Variants in COL12A1 observed in about 807,000 individuals in gnomAD.
COL12A1 encodes collagen alpha-1(XII) chain.
A neutral mutation model predicts 349.7 loss-of-function variants in COL12A1; 114 were observed. That is an observed-to-expected ratio of 0.33 (90% confidence interval 0.28 to 0.38). The LOEUF is 0.38. COL12A1 is among the 10% of genes least tolerant of loss of function. The pLI, the probability that COL12A1 is intolerant of heterozygous loss-of-function variation, is 1.00. For missense variants in COL12A1, 3,284 were observed against 3,756.9 expected, an observed-to-expected ratio of 0.87 and a Z score of 3.29; for synonymous variants, 1,369 against 1,329.0, an observed-to-expected ratio of 1.03 and a Z score of -0.66.
chr6:75,188,124 C>T (rs1258184924), intron 8 of COL12A1, among the ~76,000 whole-genome samples: 1 of 151,934 alleles, frequency 6.6e-6, no homozygotes, highest in African/African-American at 2.4e-5. Flanking sequence ...AACTTGTCCC[C>T]CACCAAAAAA....
At position 75,175,117 on chromosome 6, in the gene COL12A1, T is replaced by C. The variant is rs2149451941; in HGVS notation, c.2631A>G (p.Thr877=). 1 of 1,614,182 alleles carries C rather than the reference T, an allele frequency of 6.2e-7. No individual in the cohort carries two copies. The part of the protein sequence containing the change: ...NTVLQGLKEG[T]QYALSVTALY... ...AGGCTGTCACAGATAAGGCGTATTG[T>C]GTCCCTTCCTTCAATCCCTGCAGCA... is the stretch of plus-strand genomic sequence containing the variant. Residue 877 remains threonine (T), a synonymous_variant, in exon 13 of 66, where the codon ACA becomes ACG. Transcript: ENST00000322507.
chr6:75,192,252 A>T lies in COL12A1; in HGVS notation c.294T>A (p.Asp98Glu). The T allele has an allele frequency of 1.2e-6, 2 of 1,608,798 alleles. No individual in the cohort carries two copies. ...TEYVVTITSY[D>E]EVEESVPVIG... ...TAACTGGTACACTTTCTTCTACTTCATCATATGAAGTTATTGTCACCACAT... is the reference window on the plus strand; with the variant it reads ...TAACTGGTACACTTTCTTCTACTTCTTCATATGAAGTTATTGTCACCACAT... The change falls in exon 4 of 66, where the codon GAT (aspartate) becomes GAA (glutamate). Residue 98 changes from aspartate (D) to glutamate (E), a missense_variant. By Grantham distance (45) the Asp-to-Glu change is conservative. This residue lies in a region of COL12A1 where 2,601 missense variants were observed against 2,824.8 expected (regional missense o/e 0.92). Coordinates refer to ENST00000322507, the MANE Select transcript of COL12A1 (RefSeq NM_004370.6).
At chr6:75,148,626 T>C in intron 21 of COL12A1, 129 bp from the exon 22 acceptor site, 1 of 745,516 alleles carries the variant, frequency 1.3e-6, no homozygotes, top group East Asian at 2.8e-5. Flanking sequence ...ACATACTAAG[T>C]AGCTACAATA....
intron 5 of COL12A1, among the ~76,000 whole-genome samples, chr6:75,191,015 G>T (rs1413156008): frequency 6.6e-6 from 1 of 151,708 alleles, no homozygotes; most frequent in Non-Finnish European, 1.5e-5. Flanking sequence ...TTTACGAGAT[G>T]ACAAAATTAG....
Position 75,181,167 on chromosome 6 carries a change from A to G in COL12A1, c.1936T>C (p.Tyr646His), listed in dbSNP as rs751496600. 1.2e-6 allele frequency: 2 copies of G among 1,613,896 alleles called. No homozygotes were observed. The highest frequency in any genetic ancestry group is 1.3e-5 in the African/African-American group (1 of 74,878). The change falls in exon 11 of 66, where the codon TAT becomes CAT. Residue 646 changes from tyrosine (Y) to histidine (H), a missense_variant. Coordinates refer to ENST00000322507, the MANE Select transcript of COL12A1 (RefSeq NM_004370.6). Reference sequence around the variant, plus strand: ...GGAGACCAGTTGGTTTTGAAACCATAAGAAGTCACTTCTGAAAAACTAAGA... The same window carrying G: ...GGAGACCAGTTGGTTTTGAAACCATGAGAAGTCACTTCTGAAAAACTAAGA... ...KDLSFSEVTS[Y>H]GFKTNWSPAG...
In COL12A1 at chr6:75,148,480, A is replaced by G. The variant is rs1451137664; in HGVS notation, c.4165T>C (p.Ser1389Pro). 3 of 1,613,198 alleles carry G rather than the reference A, an allele frequency of 1.9e-6. No individual in the cohort carries two copies. The African/African-American group carries it at 4.0e-5, about 22-fold the overall frequency. ...VKGPGDLEAP[S>P]NLVISERTHR... is the part of the protein sequence containing the mutation. ...GTTCGCTCAGAAATAACTAAGTTAG[A>G]AGGTGCTTCCAAATCACCTACACAT... Residue 1389 changes from serine (S) to proline (P), a missense_variant, in exon 22 of 66, where the codon TCT (serine) becomes CCT (proline). This residue lies in a region of COL12A1 where 2,601 missense variants were observed against 2,824.8 expected (regional missense o/e 0.92). Transcript: ENST00000322507.
intron 31 of COL12A1, 78 bp from the exon 32 acceptor site, chr6:75,134,933 C>T: frequency 6.8e-7 from 1 of 1,463,364 alleles, no homozygotes; most frequent in Non-Finnish European, 9.2e-7. Flanking sequence ...GCTCTTTCTA[C>T]AGGGAAGCTG....
Position 75,151,141 on chromosome 6 carries a change from C to G in COL12A1, c.4147G>C (p.Gly1383Arg). Reference protein sequence around the residue: ...INLCNSVKGPGDLEAPSNLVI... With the variant: ...INLCNSVKGPRDLEAPSNLVI... Reference sequence around the variant, plus strand: ...GAGAGAAACTCTGGGTTAAACTTACCTGGACCTTTGACACTGTTACACAAA... The same window carrying G: ...GAGAGAAACTCTGGGTTAAACTTACGTGGACCTTTGACACTGTTACACAAA... The change falls in exon 21 of 66, where the codon GGT (glycine) becomes CGT (arginine). Residue 1383 changes from glycine to arginine, a missense_variant and splice_region_variant. Gly to Arg is a moderately radical substitution (Grantham distance 125). Around this residue, in one of 2 missense-constraint regions of COL12A1, gnomAD observed 2,601 missense variants for 2,824.8 expected, o/e 0.92. Coordinates refer to ENST00000322507, the MANE Select transcript of COL12A1 (RefSeq NM_004370.6). 6.8e-7 allele frequency: 1 copy of G among 1,480,096 alleles called. No homozygotes were observed. 91.7% of individuals were successfully genotyped at this position (1,480,096 alleles called of 1,614,324 possible).
intron 49 of COL12A1, among the ~76,000 whole-genome samples, chr6:75,114,867 T>G (rs1768999912): frequency 6.6e-6 from 1 of 152,096 alleles, no homozygotes; most frequent in East Asian, 1.9e-4. Flanking sequence ...CAGCCAAAAG[T>G]TCTGATGCTT....
chr6:75,139,804 T>C (rs1255472330), intron 27 of COL12A1, among the ~76,000 whole-genome samples: 1 of 152,182 alleles, frequency 6.6e-6, no homozygotes, highest in Non-Finnish European at 1.5e-5. Flanking sequence ...GAAATCCCCT[T>C]TCACAACCCC....
In COL12A1 at chr6:75,180,947, G is replaced by A. The variant is rs1256494706; in HGVS notation, c.2156C>T (p.Thr719Ile). 1 of 1,609,508 alleles carries A rather than the reference G, an allele frequency of 6.2e-7. No homozygotes were observed. Among genetic ancestry groups the A allele is most frequent in the Non-Finnish European group, 8.5e-7 (1 of 1,176,854 alleles). ...CAGAAACCCCATCACACCTTCTTCGGTGGTCTCCTCTCCAGCTAAGGGAAT... is the reference window on the plus strand; with the variant it reads ...CAGAAACCCCATCACACCTTCTTCGATGGTCTCCTCTCCAGCTAAGGGAAT... ...FSIPLAGEETTEEVKGAPRNL... is the reference protein window; with the variant it reads ...FSIPLAGEETIEEVKGAPRNL... Residue 719 changes from threonine to isoleucine, a missense_variant, in exon 11 of 66, where the codon ACC (threonine) becomes ATC (isoleucine). By Grantham distance (89) the Thr-to-Ile change is moderately conservative. This residue lies in a region of COL12A1 where 2,601 missense variants were observed against 2,824.8 expected (regional missense o/e 0.92). Coordinates refer to ENST00000322507, the MANE Select transcript of COL12A1 (RefSeq NM_004370.6).
intron 51 of COL12A1, among the ~76,000 whole-genome samples, chr6:75,110,882 A>T (rs1768806114): frequency 6.6e-6 from 1 of 151,920 alleles, no homozygotes; most frequent in Non-Finnish European, 1.5e-5. Context: ...TTGGCTCAGT[A>T]AAAAAATGTG....
intron 16 of COL12A1, among the ~76,000 whole-genome samples, 178 bp from the exon 17 acceptor site, chr6:75,154,715 A>T (rs1767667111): frequency 6.6e-6 from 1 of 152,168 alleles, no homozygotes; most frequent in African/African-American, 2.4e-5. Flanking sequence ...ACTTACGCTT[A>T]CCCTGTGAGG....
chr6:75,178,061 T>C, intron 11 of COL12A1, 126 bp from the exon 12 acceptor site: 2 of 864,358 alleles, frequency 2.3e-6, no homozygotes, highest in Non-Finnish European at 1.7e-6. Flanking sequence ...AGCAATTTAT[T>C]TGCAAACATC....
chr6:75,196,128 C>T (rs1438497141), intron 2 of COL12A1, among the ~76,000 whole-genome samples: 2 of 152,190 alleles, frequency 1.3e-5, no homozygotes, highest in Non-Finnish European at 2.9e-5. Flanking sequence ...GTTCATGCCT[C>T]ATCATGCAGC....
chr6:75,177,684 C>T lies in COL12A1; in HGVS notation c.2416G>A (p.Gly806Arg). The T allele has an allele frequency of 6.2e-7, 1 of 1,614,070 alleles. No homozygotes were observed. Among genetic ancestry groups the T allele is most frequent in the Non-Finnish European group, 8.5e-7 (1 of 1,180,006 alleles). The change falls in exon 12 of 66, where the codon GGA becomes AGA. Residue 806 changes from glycine to arginine, a missense_variant. By Grantham distance (125) the Gly-to-Arg change is moderately radical. Around this residue, in one of 2 missense-constraint regions of COL12A1, gnomAD observed 2,601 missense variants for 2,824.8 expected, o/e 0.92. Transcript: ENST00000322507. Reference sequence around the variant, plus strand: ...CTACCTTCTTCAGTGGCTGCATTTCCAGTTAATGGAGTACCAGGTCCTGAG... The same window carrying T: ...CTACCTTCTTCAGTGGCTGCATTTCTAGTTAATGGAGTACCAGGTCCTGAG... ...YFSGPGTPLT[G>R]NAATEEVRGN... is the part of the protein sequence containing the mutation.
At chr6:75,088,466 A>C (rs1767606503) in intron 64 of COL12A1, among the ~76,000 whole-genome samples, 1 of 151,916 alleles carries the variant, frequency 6.6e-6, no homozygotes, top group Non-Finnish European at 1.5e-5. Flanking sequence ...GCCAAAAAAA[A>C]AACAAATAGG....
intron 40 of COL12A1, 87 bp downstream of exon 40, chr6:75,125,040 A>G: frequency 3.8e-6 from 5 of 1,311,810 alleles, no homozygotes; most frequent in Admixed American, 2.5e-5. Context: ...AAACATGTAT[A>G]TGTTCAGAAA....
intron 2 of COL12A1, among the ~76,000 whole-genome samples, chr6:75,195,229 T>C (rs1326110742): frequency 6.6e-6 from 1 of 152,162 alleles, no homozygotes; most frequent in Non-Finnish European, 1.5e-5. Flanking sequence ...GAAACATATT[T>C]GGATACAAGT....
Sources: allele counts gnomAD v4.1 joint callset (sites outside exome capture counted in the v4.1 genomes callset), GRCh38; gene constraint gnomAD v4.1.1; regional missense constraint gnomAD v4.1.1; transcripts MANE v1.5; gene names NCBI Gene and HGNC (gene_info 2026-07-23, HGNC 2026-07-21).